WDR70: variants seen among roughly 807,000 people sequenced by gnomAD.
WDR70 encodes the protein WD repeat domain 70, also known as WD repeat-containing protein 70.
A neutral mutation model predicts 88.6 loss-of-function variants in WDR70; 53 were observed. The ratio of observed to expected loss-of-function variants is 0.60; its 90% CI spans 0.48 to 0.75. The LOEUF (loss-of-function observed/expected upper bound fraction) is 0.75. Among genes scored for constraint, WDR70 ranks in the 30% least tolerant of loss-of-function variants. The pLI, the probability that WDR70 is intolerant of heterozygous loss-of-function variation, is 0.00. For missense variants in WDR70, 610 were observed against 823.2 expected (o/e 0.74, Z 3.17); for synonymous variants, 280 against 270.0 (o/e 1.04, Z -0.36).
rs764665362 is a variant in WDR70, at chr5:37,701,024, T to C, written c.1193-34T>C. 14 of 1,386,214 alleles carry C rather than the reference T, an allele frequency of 1.0e-5. No homozygotes were observed. In the East Asian group the frequency reaches 3.2e-4, roughly 32 times the overall value. 85.9% of individuals were successfully genotyped at this position (1,386,214 alleles called of 1,614,324 possible). On this transcript the variant is annotated intron_variant, in intron 11 of 17. Coordinates refer to ENST00000265107, the MANE Select transcript of WDR70 (RefSeq NM_018034.4). ...CGAGTTCTTTTTGCACAATTCACTT[T>C]TCTGTCTTTTTTTTCCCCTCATTCC...
Position 37,388,738 on chromosome 5 carries a change from C to CAAA in WDR70, c.176-3252_176-3250dup, listed in dbSNP as rs56184955. Among the ~76,000 whole-genome samples the CAAA allele has an allele frequency of 5.0e-5, 7 of 140,918 alleles. No homozygotes were observed. The South Asian group carries it at 1.1e-3, about 23-fold the overall frequency. The allele number at this position is 140,918 out of a possible 152,430, so 92.4% of individuals were successfully genotyped here. A position where few individuals can be genotyped will look rare whatever the true frequency, so the allele number is the denominator to read the frequency against. Reference sequence around the variant, plus strand: ...CTGGTGACAGAGTGAGACTCCGTCTCAAAAAAAAAAAACAAAAAGAAAAAC... The same window carrying CAAA: ...CTGGTGACAGAGTGAGACTCCGTCTCAAAAAAAAAAAAAAACAAAAAGAAAAAC... On this transcript the variant is annotated intron_variant, in intron 3 of 17. Coordinates refer to ENST00000265107, the MANE Select transcript of WDR70 (RefSeq NM_018034.4).
At chr5:37,407,659 C>T (rs960852033) in intron 5 of WDR70, among the ~76,000 whole-genome samples, 3 of 151,998 alleles carry the variant, frequency 2.0e-5, no homozygotes, top group Non-Finnish European at 4.4e-5. Context: ...GTTATGCACA[C>T]GTAGGCTATC....
chr5:37,575,728 T>G (rs1279981744), intron 9 of WDR70, among the ~76,000 whole-genome samples: 11 of 152,172 alleles, frequency 7.2e-5, no homozygotes, highest in Non-Finnish European at 1.6e-4. Context: ...CTGGTAAATG[T>G]AAGTCAAGGG....
chr5:37,473,340 AT>A (rs1264746491), intron 7 of WDR70, among the ~76,000 whole-genome samples: 1,349 of 117,302 alleles, frequency 0.012, 27 homozygotes, highest in African/African-American at 0.036. Flanking sequence ...GTGTATTCAT[AT>A]TCTTTTTTTT....
At chr5:37,415,959 C>G (rs969597475) in intron 5 of WDR70, among the ~76,000 whole-genome samples, 1 of 151,622 alleles carries the variant, frequency 6.6e-6, no homozygotes, top group Non-Finnish European at 1.5e-5. Context: ...GGCTGGCGGC[C>G]GGGAAGAGGC....
intron 5 of WDR70, among the ~76,000 whole-genome samples, chr5:37,422,955 G>A (rs1749991202): frequency 1.3e-5 from 2 of 152,216 alleles, no homozygotes; most frequent in South Asian, 2.1e-4. Context: ...TAAACAAAAT[G>A]CGGGAATGTT....
chr5:37,627,437 T>C (rs1275948079), intron 10 of WDR70, among the ~76,000 whole-genome samples: 1 of 152,148 alleles, frequency 6.6e-6, no homozygotes, highest in Non-Finnish European at 1.5e-5. Flanking sequence ...ATTTATGCTC[T>C]GATTGTTTTT....
At chr5:37,676,547 C>T (rs546880461) in intron 10 of WDR70, among the ~76,000 whole-genome samples, 4 of 151,882 alleles carry the variant, frequency 2.6e-5, no homozygotes, top group South Asian at 2.1e-4. Flanking sequence ...TATTGATTTG[C>T]GTATATTGAA....
intron 9 of WDR70, among the ~76,000 whole-genome samples, chr5:37,572,592 C>G (rs773318013): frequency 2.6e-5 from 4 of 152,104 alleles, no homozygotes; most frequent in Non-Finnish European, 5.9e-5. Context: ...CACCCCTTCC[C>G]ACCCTAAACT....
At chr5:37,588,571 C>A (rs1561913194) in intron 9 of WDR70, among the ~76,000 whole-genome samples, 1 of 151,126 alleles carries the variant, frequency 6.6e-6, no homozygotes, top group Non-Finnish European at 1.5e-5. Flanking sequence ...TATTTAAGGT[C>A]ACTTATTTTT....
At chr5:37,748,397 A>T (rs1748698252) in intron 17 of WDR70, among the ~76,000 whole-genome samples, 1 of 152,222 alleles carries the variant, frequency 6.6e-6, no homozygotes, top group Non-Finnish European at 1.5e-5. Context: ...TGCTGGGAAA[A>T]CTGGCTAGCC....
At chr5:37,393,084 C>T (rs1748895050) in intron 4 of WDR70, among the ~76,000 whole-genome samples, 1 of 152,020 alleles carries the variant, frequency 6.6e-6, no homozygotes, top group Non-Finnish European at 1.5e-5. Flanking sequence ...ACTCTGTTGC[C>T]CAGGCTGCAG....
chr5:37,513,042 A>G lies in WDR70; in HGVS notation c.841-3472A>G, dbSNP rs145836599. Reference sequence around the variant, plus strand: ...ATTCCCTTCTGTTTATTCTTTCAGTATATGTGTTACTAATTTGAAATGTAA... The same window carrying G: ...ATTCCCTTCTGTTTATTCTTTCAGTGTATGTGTTACTAATTTGAAATGTAA... On this transcript the variant is annotated intron_variant, in intron 8 of 17. Transcript: ENST00000265107. 3.6e-4 allele frequency among the ~76,000 whole-genome samples: 55 copies of G among 152,258 alleles called. 1 individual carries two copies. Among genetic ancestry groups the G allele is most frequent in the Non-Finnish European group, 2.4e-4 (16 of 68,022 alleles).
chr5:37,469,851 A>AT (rs1413521024), intron 7 of WDR70, among the ~76,000 whole-genome samples: 2 of 151,960 alleles, frequency 1.3e-5, no homozygotes, highest in African/African-American at 2.4e-5. Context: ...TTTCTCTGCT[A>AT]TTTTTTTGCT....
chr5:37,451,168 G>A (rs187028715), intron 7 of WDR70, among the ~76,000 whole-genome samples: 10 of 152,284 alleles, frequency 6.6e-5, no homozygotes, highest in Non-Finnish European at 1.3e-4. Flanking sequence ...AAAGTGCTGG[G>A]ATTACAGACG....
chr5:37,613,612 G>A (rs1055334694), intron 10 of WDR70, among the ~76,000 whole-genome samples: 1 of 152,108 alleles, frequency 6.6e-6, no homozygotes, highest in African/African-American at 2.4e-5. Flanking sequence ...CTATATTCCA[G>A]GCAAAGAAAA....
intron 10 of WDR70, among the ~76,000 whole-genome samples, chr5:37,640,901 A>G (rs1022472610): frequency 3.3e-5 from 5 of 152,184 alleles, no homozygotes; most frequent in Non-Finnish European, 4.4e-5. Flanking sequence ...TAAATTCTCT[A>G]TAGGTTAACC....
At chr5:37,564,581 G>GGAGAGGGAGAGGAGA (rs1742679985) in intron 9 of WDR70, among the ~76,000 whole-genome samples, 1 of 147,824 alleles carries the variant, frequency 6.8e-6, no homozygotes, top group Non-Finnish European at 1.5e-5. Flanking sequence ...GGGAGAGGAG[G>GGAGAGGGAGAGGAGA]GAGAGGGAGA....
chr5:37,656,445 G>A (rs6881854), intron 10 of WDR70, among the ~76,000 whole-genome samples: 147,686 of 149,412 alleles, frequency 0.99, 73,007 homozygotes, highest in Non-Finnish European at 1. Flanking sequence ...TGAGGAGGCA[G>A]TCTGTCCCTT....
Sources: allele counts gnomAD v4.1 joint callset (sites outside exome capture counted in the v4.1 genomes callset), GRCh38; gene constraint gnomAD v4.1.1; transcripts MANE v1.5; gene names NCBI Gene and HGNC (gene_info 2026-07-23, HGNC 2026-07-21).